The following ZAR1 variants were observed in gnomAD, a reference collection of about 807,000 sequenced individuals.
The protein encoded by ZAR1 is zygote arrest 1.
Under a neutral mutation model 38.3 loss-of-function variants are expected in ZAR1, and 37 were observed. That is an observed-to-expected ratio of 0.97 (90% confidence interval 0.74 to 1.27). ZAR1 has a LOEUF of 1.27. Ranked by LOEUF, ZAR1 falls within the 50% of genes most tolerant of loss-of-function variation. ZAR1 has a pLI of 0.00. For missense variants in ZAR1, 651 were observed against 632.4 expected, an observed-to-expected ratio of 1.03 and a Z score of -0.32; for synonymous variants, 336 against 292.0, an observed-to-expected ratio of 1.15 and a Z score of -1.53.
Position 48,491,247 on chromosome 4 carries a change from G to C in ZAR1, c.956G>C (p.Arg319Pro). ...CCGGAGCTGGGCAAGGAGCGGCTGC[G>C]CTTCCAGGTAAAGCCTAGGGCGGTC... ...RSPELGKERL[R>P]FQFLEQKYGY... Residue 319 changes from arginine (R) to proline (P), a missense_variant, in exon 1 of 4, where the codon CGC becomes CCC. This residue lies in a region of ZAR1 where 129 missense variants were observed against 172.5 expected (regional missense o/e 0.75). Transcript: ENST00000327939. The C allele has an allele frequency of 8.1e-7, 1 of 1,228,776 alleles. No homozygotes were observed. The highest frequency in any genetic ancestry group is 1.0e-6 in the Non-Finnish European group (1 of 984,964). 76.1% of individuals were successfully genotyped at this position (1,228,776 alleles called of 1,614,324 possible).
downstream of ZAR1, among the ~76,000 whole-genome samples, chr4:48,495,588 A>C (rs1203849311): frequency 5.3e-5 from 8 of 152,318 alleles, no homozygotes; most frequent in Non-Finnish European, 1.0e-4. Flanking sequence ...GGTAGAGAAG[A>C]GGTGGCATCT....
downstream of ZAR1, among the ~76,000 whole-genome samples, chr4:48,495,938 T>TA (rs1349316135): frequency 6.6e-6 from 1 of 152,144 alleles, no homozygotes; most frequent in African/African-American, 2.4e-5. Context: ...AAGGGTGTTT[T>TA]AGGCCTTCAT....
At position 48,490,449 on chromosome 4, in the gene ZAR1, C is replaced by G. The variant is rs553038183; in HGVS notation, c.158C>G (p.Pro53Arg). ...AGGGGCTGCCTTCCCGCCTCCTCCC[C>G]CTGCTCGGCGGGCGCGGCCTCGTTG... ...RGRGCLPASS[P>R]CSAGAASLSF... The change falls in exon 1 of 4, where the codon CCC (proline) becomes CGC (arginine). Residue 53 changes from proline to arginine, a missense_variant. Physicochemically the swap from Pro to Arg is moderately radical, Grantham distance 103 (BLOSUM62 -2). This residue lies in a region of ZAR1 where 522 missense variants were observed against 459.9 expected (regional missense o/e 1.14). Transcript: ENST00000327939. 2 of 1,467,014 alleles carry G rather than the reference C, an allele frequency of 1.4e-6. No homozygotes were observed. The highest frequency in any genetic ancestry group is 2.9e-5 in the East Asian group (1 of 34,556). 90.9% of individuals were successfully genotyped at this position (1,467,014 alleles called of 1,614,324 possible).
In ZAR1 at chr4:48,494,227, T is replaced by C; in HGVS notation, c.1258T>C (p.Phe420Leu). Reference protein sequence around the residue: ...KRLSCDSTFSFKYII With the variant: ...KRLSCDSTFSLKYII ...CCTGTCCTGTGACAGCACTTTCAGCTTCAAATACATCATTTAGGTGAAAGT... is the reference window on the plus strand; with the variant it reads ...CCTGTCCTGTGACAGCACTTTCAGCCTCAAATACATCATTTAGGTGAAAGT... Residue 420 changes from phenylalanine (F) to leucine (L), a missense_variant, in exon 4 of 4, where the codon TTC becomes CTC. Coordinates refer to ENST00000327939, the MANE Select transcript of ZAR1 (RefSeq NM_175619.3). The C allele has an allele frequency of 6.2e-7, 1 of 1,614,192 alleles. No individual in the cohort carries two copies. Among genetic ancestry groups the C allele is most frequent in the Non-Finnish European group, 8.5e-7 (1 of 1,180,030 alleles).
intron 3 of ZAR1, 27 bp downstream of exon 3, chr4:48,493,039 T>C (rs1718489728): frequency 6.2e-7 from 1 of 1,609,574 alleles, no homozygotes; most frequent in Admixed American, 1.7e-5. Flanking sequence ...GCATTTTGTC[T>C]GACCTGGGCA....
At chr4:48,493,716 G>A (rs1718508470) in intron 3 of ZAR1, among the ~76,000 whole-genome samples, 1 of 152,164 alleles carries the variant, frequency 6.6e-6, no homozygotes, top group Non-Finnish European at 1.5e-5. Context: ...AACTAAGTAT[G>A]GAAAGCCACT....
At chr4:48,493,184 C>T (rs573255028) in intron 3 of ZAR1, among the ~76,000 whole-genome samples, 172 bp downstream of exon 3, 1 of 152,312 alleles carries the variant, frequency 6.6e-6, no homozygotes, top group Admixed American at 6.5e-5. Context: ...TTGGTGTTAG[C>T]TTCTTTCTGG....
chr4:48,491,268 C>T lies in ZAR1; in HGVS notation c.963+14C>T, dbSNP rs1449218390. On this transcript the variant is annotated intron_variant, in intron 1 of 3. Transcript: ENST00000327939. Reference sequence around the variant, plus strand: ...CTGCGCTTCCAGGTAAAGCCTAGGGCGGTCAGGGCACAGGGGAGCCCGGGG... The same window carrying T: ...CTGCGCTTCCAGGTAAAGCCTAGGGTGGTCAGGGCACAGGGGAGCCCGGGG... The T allele has an allele frequency of 2.1e-5, 26 of 1,234,012 alleles. No individual in the cohort carries two copies. In the East Asian group the frequency reaches 5.7e-4, roughly 27 times the overall value. 76.4% of individuals were successfully genotyped at this position (1,234,012 alleles called of 1,614,324 possible). A position where few individuals can be genotyped will look rare whatever the true frequency, so the allele number is the denominator to read the frequency against.
downstream of ZAR1, among the ~76,000 whole-genome samples, chr4:48,495,013 A>G (rs1388213921): frequency 1.3e-5 from 2 of 151,922 alleles, no homozygotes; most frequent in African/African-American, 4.8e-5. Flanking sequence ...GTGTTTCTTC[A>G]AAGCCTTTTT....
At position 48,491,144 on chromosome 4, in the gene ZAR1, C is replaced by A; in HGVS notation, c.853C>A (p.Pro285Thr). The change falls in exon 1 of 4, where the codon CCG (proline) becomes ACG (threonine). Residue 285 changes from proline to threonine, a missense_variant. Coordinates refer to ENST00000327939, the MANE Select transcript of ZAR1 (RefSeq NM_175619.3). ...GGCGCTAAGGAGCCCGGGGCAACCT[C>A]CGTCGGCGGGGAGGGCCCGAGACGG... ...RSALRSPGQP[P>T]SAGRARDGGD... is the part of the protein sequence containing the mutation. 8.1e-7 allele frequency: 1 copy of A among 1,241,710 alleles called. No individual in the cohort carries two copies. Among genetic ancestry groups the A allele is most frequent in the Non-Finnish European group, 1.0e-6 (1 of 994,508 alleles). The allele number at this position is 1,241,710 out of a possible 1,614,324, so 76.9% of individuals were successfully genotyped here. A position where few individuals can be genotyped will look rare whatever the true frequency, so the allele number is the denominator to read the frequency against.
chr4:48,490,775 C>A lies in ZAR1; in HGVS notation c.484C>A (p.Gln162Lys). Residue 162 changes from glutamine (Q) to lysine (K), a missense_variant, in exon 1 of 4, where the codon CAG becomes AAG. Coordinates refer to ENST00000327939, the MANE Select transcript of ZAR1 (RefSeq NM_175619.3). ...SQQPSRRGLE[Q>K]GSPQNGAPRP... ...GCAGCCATCCCGTCGAGGCCTGGAG[C>A]AGGGCAGCCCCCAGAACGGCGCCCC... 1 of 1,488,254 alleles carries A rather than the reference C, an allele frequency of 6.7e-7. No individual in the cohort carries two copies. Among genetic ancestry groups the A allele is most frequent in the Non-Finnish European group, 8.9e-7 (1 of 1,125,004 alleles). The allele number at this position is 1,488,254 out of a possible 1,614,324, so 92.2% of individuals were successfully genotyped here. A position where few individuals can be genotyped will look rare whatever the true frequency, so the allele number is the denominator to read the frequency against.
chr4:48,492,757 G>A lies in ZAR1; in HGVS notation c.964-9G>A. Reference sequence around the variant, plus strand: ...TTTGTTGGTTAAATTGACATATCCTGTTGTTCAGTTCTTAGAGCAGAAATA... The same window carrying A: ...TTTGTTGGTTAAATTGACATATCCTATTGTTCAGTTCTTAGAGCAGAAATA... On this transcript the variant is annotated splice_polypyrimidine_tract_variant and intron_variant, in intron 1 of 3. Transcript: ENST00000327939. 1.9e-6 allele frequency: 3 copies of A among 1,612,702 alleles called. No homozygotes were observed. Among genetic ancestry groups the A allele is most frequent in the Non-Finnish European group, 2.5e-6 (3 of 1,178,754 alleles).
rs1215703471 is a variant in ZAR1 at position 48,490,489 on chromosome 4, C to T, written c.198C>T (p.Cys66=). The T allele has an allele frequency of 2.7e-6, 4 of 1,468,790 alleles. No individual in the cohort carries two copies. Among genetic ancestry groups the T allele is most frequent in the Admixed American group, 2.5e-5 (1 of 39,484 alleles). 91.0% of individuals were successfully genotyped at this position (1,468,790 alleles called of 1,614,324 possible). Residue 66 remains cysteine (C), a synonymous_variant, in exon 1 of 4, where the codon TGC becomes TGT. Coordinates refer to ENST00000327939, the MANE Select transcript of ZAR1 (RefSeq NM_175619.3). ...CGGCCTCGTTGTCCTTCCCGGGCTG[C>T]GGGCGGCTGACGGCCGCCGAGTACT... ...AGAASLSFPG[C]GRLTAAEYFD...
downstream of ZAR1, chr4:48,497,596 A>G (rs1718711020): frequency 6.6e-6 from 1 of 152,644 alleles, no homozygotes; most frequent in Admixed American, 6.5e-5. Flanking sequence ...ATTTTTAACA[A>G]AAAGGATGTA....
chr4:48,494,277 G>GA lies in ZAR1; in HGVS notation c.*33_*34insA. 6.2e-7 allele frequency: 1 copy of GA among 1,608,926 alleles called. No individual in the cohort carries two copies. Among genetic ancestry groups the GA allele is most frequent in the Non-Finnish European group, 8.5e-7 (1 of 1,176,378 alleles). On this transcript the variant is annotated 3_prime_UTR_variant, in exon 4 of 4. Transcript: ENST00000327939. ...TCAGTGTTGCTGTGCATGCGCTGAT[G>GA]GAGTAGACGAGTGAGCTTTTCCGTG...
chr4:48,491,570 AC>A (rs78137821), intron 1 of ZAR1, among the ~76,000 whole-genome samples: 95,301 of 152,068 alleles, frequency 0.63, 30,735 homozygotes, highest in Middle Eastern at 0.78. Context: ...CCCTGACCGC[AC>A]GGTTGGATTA....
chr4:48,491,163 G>C lies in ZAR1; in HGVS notation c.872G>C (p.Arg291Pro). 1.6e-6 allele frequency: 2 copies of C among 1,239,500 alleles called. No individual in the cohort carries two copies. The highest frequency in any genetic ancestry group is 2.0e-6 in the Non-Finnish European group (2 of 993,360). 76.8% of individuals were successfully genotyped at this position (1,239,500 alleles called of 1,614,324 possible). A position where few individuals can be genotyped will look rare whatever the true frequency, so the allele number is the denominator to read the frequency against. Residue 291 changes from arginine to proline, a missense_variant, in exon 1 of 4, where the codon CGA (arginine) becomes CCA (proline). Physicochemically the swap from Arg to Pro is moderately radical, Grantham distance 103. Coordinates refer to ENST00000327939, the MANE Select transcript of ZAR1 (RefSeq NM_175619.3). ...PGQPPSAGRA[R>P]DGGDGREAAV... ...CAACCTCCGTCGGCGGGGAGGGCCCGAGACGGCGGCGACGGACGGGAGGCG... is the reference window on the plus strand; with the variant it reads ...CAACCTCCGTCGGCGGGGAGGGCCCCAGACGGCGGCGACGGACGGGAGGCG...
At chr4:48,496,230 A>AGAG (rs997314630), downstream of ZAR1, among the ~76,000 whole-genome samples, 1 of 152,218 alleles carries the variant, frequency 6.6e-6, no homozygotes, top group African/African-American at 2.4e-5. Flanking sequence ...GCAAGGCTAG[A>AGAG]GAGAAATGAC....
chr4:48,495,124 CG>C, downstream of ZAR1, among the ~76,000 whole-genome samples: 1 of 152,014 alleles, frequency 6.6e-6, no homozygotes, highest in South Asian at 2.1e-4. Flanking sequence ...TAGTGCTAGT[CG>C]GGATGCCAGA....
Sources: gnomAD v4.1 joint callset for allele counts (sites outside exome capture counted in the v4.1 genomes callset) on GRCh38, gnomAD v4.1.1 for gene constraint, gnomAD v4.1.1 regional missense constraint, MANE v1.5 for transcripts, NCBI Gene and HGNC (gene_info 2026-07-23, HGNC 2026-07-21) for gene names.